The following TRPM4 variants were observed in gnomAD, a reference collection of about 807,000 sequenced individuals.
TRPM4 encodes calcium-activated non-selective cation channel 1.
Under a neutral mutation model 135.6 loss-of-function variants are expected in TRPM4, and 124 were observed. That is an observed-to-expected ratio of 0.91 (90% confidence interval 0.79 to 1.06). The LOEUF is 1.06. Among genes scored for constraint, TRPM4 ranks in the 50% least tolerant of loss-of-function variants. The pLI, the probability that TRPM4 is intolerant of heterozygous loss-of-function variation, is 0.00. For missense variants in TRPM4, 1,658 were observed against 1,671.4 expected (o/e 0.99, Z 0.14); for synonymous variants, 745 against 705.6 (o/e 1.06, Z -0.88).
intron 9 of TRPM4, among the ~76,000 whole-genome samples, chr19:49,179,536 G>C (rs1461546765): frequency 6.6e-6 from 1 of 151,974 alleles, no homozygotes; most frequent in Non-Finnish European, 1.5e-5. Context: ...TTTTAGTAGA[G>C]ATGGGGTTTC....
chr19:49,194,124 T>C (rs1331755381), intron 16 of TRPM4, among the ~76,000 whole-genome samples: 8 of 102,550 alleles, frequency 7.8e-5, no homozygotes, highest in Non-Finnish European at 1.4e-4. Context: ...ACTTCTCCTC[T>C]TCATCCTCCT....
chr19:49,165,116 A>C (rs1967122450), intron 2 of TRPM4, among the ~76,000 whole-genome samples: 1 of 152,152 alleles, frequency 6.6e-6, no homozygotes, highest in Admixed American at 6.5e-5. Flanking sequence ...TTTAGAAAGC[A>C]AGAGAGACTT....
At chr19:49,185,439 C>T (rs1968163620) in intron 12 of TRPM4, among the ~76,000 whole-genome samples, 1 of 152,128 alleles carries the variant, frequency 6.6e-6, no homozygotes. Context: ...TGGGGTCTTA[C>T]TATGTTGCCC....
intron 16 of TRPM4, among the ~76,000 whole-genome samples, chr19:49,191,547 G>A (rs951572048): frequency 6.7e-6 from 1 of 149,422 alleles, no homozygotes; most frequent in Non-Finnish European, 1.5e-5. Flanking sequence ...ATGGGGTCTC[G>A]CTCTGTCGAC....
intron 13 of TRPM4, 62 bp from the exon 14 acceptor site, chr19:49,188,884 C>G: frequency 1.2e-6 from 2 of 1,613,306 alleles, no homozygotes; most frequent in South Asian, 2.2e-5. Context: ...CCTTACCTCT[C>G]CCTTCACACC....
At chr19:49,192,366 A>G (rs1195977479) in intron 16 of TRPM4, among the ~76,000 whole-genome samples, 2 of 152,048 alleles carry the variant, frequency 1.3e-5, no homozygotes, top group African/African-American at 2.4e-5. Context: ...GATGCTCCCC[A>G]TCTCCTGACT....
Position 49,211,314 on chromosome 19 carries a change from G to A in TRPM4, c.3640+45G>A. On this transcript the variant is annotated intron_variant, in intron 24 of 24. Coordinates refer to ENST00000252826, the MANE Select transcript of TRPM4 (RefSeq NM_017636.4). The surrounding 1 kb of genome is among the most constrained non-coding windows in gnomAD (Gnocchi z 4.8). ...CTGTGCATCTCCAGCCTCTGTTCCT[G>A]TATTTTTGCGTGTTTTTCTCTCTCG... 1 of 1,579,352 alleles carries A rather than the reference G, an allele frequency of 6.3e-7. No homozygotes were observed. The highest frequency in any genetic ancestry group is 8.6e-7 in the Non-Finnish European group (1 of 1,160,152).
rs1028875091 is a variant in TRPM4, at chr19:49,171,899, A to G, written c.1051-110A>G. 3 of 1,369,158 alleles carry G rather than the reference A, an allele frequency of 2.2e-6. No individual in the cohort carries two copies. Among genetic ancestry groups the G allele is most frequent in the Middle Eastern group, 4.6e-4 (2 of 4,318 alleles). 84.8% of individuals were successfully genotyped at this position (1,369,158 alleles called of 1,614,324 possible). On this transcript the variant is annotated intron_variant, in intron 8 of 24. Coordinates refer to ENST00000252826, the MANE Select transcript of TRPM4 (RefSeq NM_017636.4). The surrounding 1 kb of genome is among the most constrained non-coding windows in gnomAD (Gnocchi z 4.7). ...TCCGGGAGAAGAGGGTGCTGGGCAT[A>G]TAGACTATTAGGTCCTGGAGGGGAA...
intron 9 of TRPM4, among the ~76,000 whole-genome samples, chr19:49,176,113 AG>A (rs1297954322): frequency 2.0e-5 from 3 of 150,178 alleles, no homozygotes; most frequent in African/African-American, 7.4e-5. Context: ...TAGTACAGAC[AG>A]GGTTTCGCCA....
At chr19:49,164,908 T>TA (rs761285387) in intron 2 of TRPM4, among the ~76,000 whole-genome samples, 9 of 151,536 alleles carry the variant, frequency 5.9e-5, no homozygotes, top group Non-Finnish European at 1.2e-4. Context: ...TATTTTATTT[T>TA]ATTTATTTAT....
chr19:49,189,117 CA>C (rs761208472), intron 14 of TRPM4, 26 bp downstream of exon 14: 22 of 1,613,788 alleles, frequency 1.4e-5, no homozygotes, highest in Non-Finnish European at 1.7e-5. Context: ...ACCAACATCC[CA>C]AACAGTCTCC....
chr19:49,182,192 A>ACATCCACCTATCCATCCATCCATC (rs1555755531), intron 10 of TRPM4, among the ~76,000 whole-genome samples: 1 of 73,564 alleles, frequency 1.4e-5, no homozygotes, highest in African/African-American at 5.6e-5. Context: ...ATTCATCCAT[A>ACATCCACCTATCCATCCATCCATC]CATCCATCCA....
At position 49,182,728 on chromosome 19, in the gene TRPM4, C is replaced by G; in HGVS notation, c.1414C>G (p.Leu472Val). ...QLYSAAPSNS[L>V]IRNLLDQASH... ...CTACAGCGCGGCGCCCTCCAACTCG[C>G]TCATCCGCAACCTTTTGGACCAGGC... is the stretch of plus-strand genomic sequence containing the variant. The change falls in exon 11 of 25, where the codon CTC becomes GTC. Residue 472 changes from leucine (L) to valine (V), a missense_variant. Transcript: ENST00000252826. 1.2e-6 allele frequency: 2 copies of G among 1,614,186 alleles called. No homozygotes were observed. Among genetic ancestry groups the G allele is most frequent in the South Asian group, 2.2e-5 (2 of 91,090 alleles).
intron 9 of TRPM4, 33 bp downstream of exon 9, chr19:49,172,141 C>T (rs1413051185): frequency 6.5e-7 from 1 of 1,531,758 alleles, no homozygotes; most frequent in Non-Finnish European, 9.0e-7. Flanking sequence ...TTCCCCCTCT[C>T]TCAGTTCAAC....
At chr19:49,193,111 T>C (rs1378881874) in intron 16 of TRPM4, among the ~76,000 whole-genome samples, 3 of 150,120 alleles carry the variant, frequency 2.0e-5, no homozygotes, top group East Asian at 2.0e-4. Flanking sequence ...GATGGAGTCT[T>C]ACTCTGTCGC....
At chr19:49,168,150 T>C in intron 4 of TRPM4, 53 bp downstream of exon 4, 1 of 1,588,880 alleles carries the variant, frequency 6.3e-7, no homozygotes, top group South Asian at 1.1e-5. Flanking sequence ...GCCTGCCATC[T>C]CCCCCACGAC....
chr19:49,189,534 C>T (rs1335396518), intron 14 of TRPM4, among the ~76,000 whole-genome samples: 1 of 141,768 alleles, frequency 7.1e-6, no homozygotes, highest in African/African-American at 2.7e-5. Context: ...CCTCACTGAA[C>T]AATTACCTTT....
At chr19:49,208,956 C>CAAA (rs35021741) in intron 20 of TRPM4, among the ~76,000 whole-genome samples, 9 of 104,020 alleles carry the variant, frequency 8.7e-5, no homozygotes, top group African/African-American at 3.2e-4. Context: ...AAGACTCCAT[C>CAAA]AAAAAAAAAA....
At chr19:49,168,169 G>T in intron 4 of TRPM4, 72 bp downstream of exon 4, 2 of 1,590,070 alleles carry the variant, frequency 1.3e-6, no homozygotes, top group Non-Finnish European at 1.7e-6. Context: ...ACTGTGGGTG[G>T]CCTCCCCCGC....
Sources: gnomAD v4.1 joint callset for allele counts (sites outside exome capture counted in the v4.1 genomes callset) on GRCh38, gnomAD v4.1.1 for gene constraint, Gnocchi (gnomAD v3.1) non-coding constraint, MANE v1.5 for transcripts, NCBI Gene and HGNC (gene_info 2026-07-23, HGNC 2026-07-21) for gene names.